UBR3: variants seen among roughly 807,000 people sequenced by gnomAD.
The protein encoded by UBR3 is E3 ubiquitin-protein ligase UBR3.
A neutral mutation model predicts 243.2 loss-of-function variants in UBR3; 85 were observed. The observed-to-expected ratio is 0.35, with a 90% CI of 0.29 to 0.42. The LOEUF (loss-of-function observed/expected upper bound fraction) is 0.42. UBR3 is among the 10% of genes least tolerant of loss of function. UBR3 has a pLI of 1.00. For synonymous variants in UBR3, 748 were observed against 799.8 expected (o/e 0.94, Z 1.09); for missense variants, 1,686 against 2,300.8 (o/e 0.73, Z 5.47).
intron 20 of UBR3, 57 bp from the exon 21 acceptor site, chr2:169,946,231 A>G (rs73015797): frequency 0.049 from 50,622 of 1,026,536 alleles, 1,359 homozygotes; most frequent in Middle Eastern, 0.057. Context: ...GGATCTCTAA[A>G]TGAAATACCT....
At chr2:169,828,826 G>T (rs1338185776) in intron 1 of UBR3, among the ~76,000 whole-genome samples, 4 of 152,150 alleles carry the variant, frequency 2.6e-5, no homozygotes. Context: ...TCACTGATAC[G>T]TGAACCTCTG....
chr2:169,928,863 C>A lies in UBR3; in HGVS notation c.2561C>A (p.Pro854His). The change falls in exon 18 of 39, where the codon CCC (proline) becomes CAC (histidine). Residue 854 changes from proline (P) to histidine (H), a missense_variant. Physicochemically the swap from Pro to His is moderately conservative, Grantham distance 77. Transcript: ENST00000272793. ...GGSMQQGMYT[P>H]KAEVWDQEFD... ...TCTATGCAACAAGGCATGTATACTCCCAAAGGTATGTTTATATACATAAAT... is the reference window on the plus strand; with the variant it reads ...TCTATGCAACAAGGCATGTATACTCACAAAGGTATGTTTATATACATAAAT... 2 of 1,442,080 alleles carry A rather than the reference C, an allele frequency of 1.4e-6. No homozygotes were observed. The highest frequency in any genetic ancestry group is 1.9e-6 in the Non-Finnish European group (2 of 1,076,196). The allele number at this position is 1,442,080 out of a possible 1,614,324, so 89.3% of individuals were successfully genotyped here.
Position 169,938,115 on chromosome 2 carries a change from G to T in UBR3, c.2664-4378G>T, listed in dbSNP as rs181592552. ...TTTTCATCCGATCCTCCTTATTTTA[G>T]CCCCTTGCCTTCCCACCTCCATTTA... is the stretch of plus-strand genomic sequence containing the variant. On this transcript the variant is annotated intron_variant, in intron 19 of 38. Coordinates refer to ENST00000272793, the MANE Select transcript of UBR3 (RefSeq NM_172070.4). 5.9e-5 allele frequency among the ~76,000 whole-genome samples: 9 copies of T among 152,088 alleles called. No individual in the cohort carries two copies. In the East Asian group the frequency reaches 1.5e-3, roughly 26 times the overall value.
At chr2:169,987,230 T>TA in intron 25 of UBR3, among the ~76,000 whole-genome samples, 1 of 151,824 alleles carries the variant, frequency 6.6e-6, no homozygotes, top group Admixed American at 6.6e-5. Context: ...CCGTCTCTAC[T>TA]AAAAATATAA....
chr2:170,043,188 G>T (rs1397156661), intron 32 of UBR3, among the ~76,000 whole-genome samples: 6 of 152,054 alleles, frequency 3.9e-5, no homozygotes, highest in Non-Finnish European at 7.4e-5. Context: ...AAGGAAACTT[G>T]ACATAGAGAA....
intron 35 of UBR3, among the ~76,000 whole-genome samples, chr2:170,070,368 A>T (rs182504769): frequency 6.6e-6 from 1 of 152,186 alleles, no homozygotes; most frequent in Non-Finnish European, 1.5e-5. Flanking sequence ...ATAAAAGAGC[A>T]TATCAAAAAC....
chr2:169,873,495 T>C (rs899817852), intron 2 of UBR3, among the ~76,000 whole-genome samples: 1 of 152,092 alleles, frequency 6.6e-6, no homozygotes, highest in Non-Finnish European at 1.5e-5. Context: ...ACATAGAGAC[T>C]CTGTCTTTAC....
chr2:169,858,346 G>A (rs2082964069), intron 1 of UBR3, among the ~76,000 whole-genome samples: 1 of 152,150 alleles, frequency 6.6e-6, no homozygotes, highest in Non-Finnish European at 1.5e-5. Context: ...GGGTATGATA[G>A]CAATGAAATG....
At chr2:170,079,641 T>C (rs1363032788) in intron 36 of UBR3, among the ~76,000 whole-genome samples, 173 bp from the exon 37 acceptor site, 1 of 152,190 alleles carries the variant, frequency 6.6e-6, no homozygotes, top group East Asian at 1.9e-4. Context: ...ATGGTAACTG[T>C]TGAACTACTA....
intron 25 of UBR3, among the ~76,000 whole-genome samples, chr2:169,988,593 C>G (rs2105389923): frequency 6.6e-6 from 1 of 152,118 alleles, no homozygotes; most frequent in Non-Finnish European, 1.5e-5. Flanking sequence ...TTGCTTGAGT[C>G]TAGGAGTTCA....
intron 35 of UBR3, among the ~76,000 whole-genome samples, chr2:170,066,966 A>AAATAACAATAATAATAATAAT (rs1553543350): frequency 9.8e-6 from 1 of 102,532 alleles, no homozygotes; most frequent in Non-Finnish European, 2.5e-5. Flanking sequence ...TCCGTCTCTA[A>AAATAACAATAATAATAATAAT]AATAATAATA....
At chr2:170,001,912 CAAAAAAAAAAAAAAA>C (rs71006062) in intron 27 of UBR3, among the ~76,000 whole-genome samples, 11 of 67,510 alleles carry the variant, frequency 1.6e-4, no homozygotes, top group Non-Finnish European at 2.5e-4. Flanking sequence ...GACTCCATCT[CAAAAAAAAAAAAAAA>C]AAAAAAAAAA....
chr2:170,056,936 C>T (rs977162585), intron 33 of UBR3, among the ~76,000 whole-genome samples: 5 of 152,060 alleles, frequency 3.3e-5, no homozygotes, highest in Non-Finnish European at 7.4e-5. Flanking sequence ...ACTGTCTAAG[C>T]CTCAGCTTTC....
rs1387871777 is a variant in UBR3, at chr2:169,986,739, C to T, written c.3729C>T (p.Gly1243=). The change falls in exon 25 of 39, where the codon GGC becomes GGT. Residue 1243 remains glycine (G), a synonymous_variant. Transcript: ENST00000272793. ...VYDCVICGQS[G]PSSEDRPTGL... is the part of the protein sequence containing the mutation. ...ACTGTGTTATTTGTGGACAGAGTGG[C>T]CCCTCCTCTGAAGATCGACCTACTG... 6 of 1,613,924 alleles carry T rather than the reference C, an allele frequency of 3.7e-6. No individual in the cohort carries two copies. The highest frequency in any genetic ancestry group is 1.3e-5 in the African/African-American group (1 of 74,918).
At chr2:169,892,944 G>A (rs1246085851) in intron 6 of UBR3, among the ~76,000 whole-genome samples, 3 of 152,104 alleles carry the variant, frequency 2.0e-5, no homozygotes, top group Non-Finnish European at 4.4e-5. Context: ...TAAAACCTTT[G>A]CTTTAGTCAT....
intron 25 of UBR3, 40 bp from the exon 26 acceptor site, chr2:169,994,283 T>C (rs1030825645): frequency 1.2e-6 from 2 of 1,609,830 alleles, no homozygotes; most frequent in Admixed American, 1.7e-5. Flanking sequence ...TCTATGGCAC[T>C]GATTATTTTT....
intron 18 of UBR3, among the ~76,000 whole-genome samples, chr2:169,930,383 T>G (rs1331461323): frequency 1.3e-5 from 2 of 150,654 alleles, no homozygotes; most frequent in African/African-American, 2.4e-5. Context: ...AATTAGTTGT[T>G]TTTTTTTTTG....
At chr2:170,040,840 A>G (rs536519079) in intron 31 of UBR3, 42 bp from the exon 32 acceptor site, 28 of 1,406,608 alleles carry the variant, frequency 2.0e-5, no homozygotes, top group Non-Finnish European at 2.8e-5. Context: ...TAGAAAGAGA[A>G]GATATACAAT....
chr2:170,040,538 GC>G (rs2090940994), intron 31 of UBR3, among the ~76,000 whole-genome samples: 1 of 152,248 alleles, frequency 6.6e-6, no homozygotes, highest in African/African-American at 2.4e-5. Flanking sequence ...TATCCTATAA[GC>G]CACTCCATTT....
Sources: allele counts gnomAD v4.1 joint callset (sites outside exome capture counted in the v4.1 genomes callset), GRCh38; gene constraint gnomAD v4.1.1; transcripts MANE v1.5; gene names NCBI Gene and HGNC (gene_info 2026-07-23, HGNC 2026-07-21).